Variants in MAGI1 observed in about 807,000 individuals in gnomAD.
MAGI1 encodes the protein membrane associated guanylate kinase, WW and PDZ domain containing 1, also known as membrane-associated guanylate kinase, WW and PDZ domain-containing protein 1.
In MAGI1, 58 loss-of-function variants were observed where a neutral mutation model predicts 139.9. That is an observed-to-expected ratio of 0.41 (90% CI 0.34 to 0.52). The LOEUF (loss-of-function observed/expected upper bound fraction) is 0.52, where lower values mean the gene tolerates loss of function less well. MAGI1 is among the 20% of genes least tolerant of loss of function. The pLI, the probability that MAGI1 is intolerant of heterozygous loss-of-function variation, is 0.12. For missense variants in MAGI1, 1,874 were observed against 1,901.6 expected (o/e 0.99, Z 0.27); for synonymous variants, 812 against 737.9 (o/e 1.10, Z -1.63).
intron 1 of MAGI1, among the ~76,000 whole-genome samples, chr3:65,709,194 T>C (rs764271707): frequency 6.6e-6 from 1 of 152,162 alleles, no homozygotes; most frequent in Non-Finnish European, 1.5e-5. Context: ...TCTCGCTTGG[T>C]TTTTTCCAAG....
At chr3:65,922,649 A>G (rs2062265269) in intron 1 of MAGI1, among the ~76,000 whole-genome samples, 2 of 152,232 alleles carry the variant, frequency 1.3e-5, no homozygotes, top group South Asian at 2.1e-4. Context: ...TGATGTTTTA[A>G]GTCACCCAGT....
chr3:65,856,812 G>A (rs529873398), intron 1 of MAGI1, among the ~76,000 whole-genome samples: 1 of 152,280 alleles, frequency 6.6e-6, no homozygotes, highest in East Asian at 1.9e-4. Flanking sequence ...CCAGCCAGCC[G>A]CACAAACTAA....
intron 1 of MAGI1, among the ~76,000 whole-genome samples, chr3:66,035,495 A>T (rs1001288585): frequency 1.4e-4 from 22 of 152,220 alleles, no homozygotes; most frequent in African/African-American, 4.8e-4. Flanking sequence ...CTCAACATGG[A>T]AGAGGGAGCA....
At chr3:65,777,247 C>T (rs979134174) in intron 1 of MAGI1, among the ~76,000 whole-genome samples, 1 of 152,108 alleles carries the variant, frequency 6.6e-6, no homozygotes, top group Non-Finnish European at 1.5e-5. Context: ...GTTCCTTAGC[C>T]TCTCTGGGCT....
chr3:66,032,377 A>ATTT lies in MAGI1; in HGVS notation c.313+5616_313+5618dup, dbSNP rs781376605. On this transcript the variant is annotated intron_variant, in intron 1 of 22. Transcript: ENST00000402939. ...AGGCGCCCACCACCACGCCCGGCTA[A>ATTT]TTTTTTTGTTTTTTTTTTTTTTTTA... Among the ~76,000 whole-genome samples the ATTT allele has an allele frequency of 9.0e-3, 1,160 of 128,648 alleles. 39 individuals carry two copies. Among genetic ancestry groups the ATTT allele is most frequent in the Middle Eastern group, 0.013 (3 of 238 alleles). 84.4% of individuals were successfully genotyped at this position (128,648 alleles called of 152,430 possible).
intron 2 of MAGI1, among the ~76,000 whole-genome samples, chr3:65,543,094 G>T (rs1053286476): frequency 2.0e-5 from 3 of 151,634 alleles, no homozygotes; most frequent in African/African-American, 4.8e-5. Context: ...AGTAGGCAAA[G>T]GATATGAACA....
At chr3:65,664,863 C>T (rs1434440991) in intron 1 of MAGI1, among the ~76,000 whole-genome samples, 1 of 152,064 alleles carries the variant, frequency 6.6e-6, no homozygotes, top group Non-Finnish European at 1.5e-5. Context: ...ATGGTAATTT[C>T]TCTGTTTAAA....
chr3:65,919,784 G>T (rs1230851319), intron 1 of MAGI1, among the ~76,000 whole-genome samples: 1 of 151,690 alleles, frequency 6.6e-6, no homozygotes, highest in African/African-American at 2.4e-5. Flanking sequence ...TACACGGCTG[G>T]AATAATTTCT....
chr3:65,766,819 G>C (rs1210302139), intron 1 of MAGI1, among the ~76,000 whole-genome samples: 2 of 151,798 alleles, frequency 1.3e-5, no homozygotes, highest in Non-Finnish European at 2.9e-5. Flanking sequence ...AACCTGGGAG[G>C]CAGAGGTTGC....
intron 1 of MAGI1, among the ~76,000 whole-genome samples, chr3:65,999,972 C>CTTTTTTTT (rs3048011): frequency 5.3e-5 from 6 of 113,276 alleles, no homozygotes; most frequent in African/African-American, 1.0e-4. Context: ...TCCCCCCACG[C>CTTTTTTTT]TTTTTTTTTT....
intron 2 of MAGI1, among the ~76,000 whole-genome samples, chr3:65,548,759 G>A (rs1022982680): frequency 6.6e-6 from 1 of 151,962 alleles, no homozygotes; most frequent in Non-Finnish European, 1.5e-5. Flanking sequence ...ATGACCTCAA[G>A]TAATCCACCC....
chr3:65,480,353 TA>T (rs1410075564), intron 3 of MAGI1, among the ~76,000 whole-genome samples: 2 of 151,808 alleles, frequency 1.3e-5, no homozygotes, highest in African/African-American at 2.4e-5. Flanking sequence ...GGCAACATGG[TA>T]AAATCCTGTC....
Position 65,361,312 on chromosome 3 carries a change from T to C in MAGI1, c.3521A>G (p.Asn1174Ser), listed in dbSNP as rs1940830449. Residue 1174 changes from asparagine to serine, a missense_variant, in exon 22 of 23, where the codon AAT becomes AGT. Physicochemically the swap from Asn to Ser is conservative, Grantham distance 46. Around this residue, in one of 5 missense-constraint regions of MAGI1, gnomAD observed 653 missense variants for 644.5 expected, o/e 1.01. Coordinates refer to ENST00000402939, the MANE Select transcript of MAGI1 (RefSeq NM_001033057.2). ...CTTCATGTTTTTGGTGGTCTCACCA[T>C]TGATCTCTAAAATTTCATCACCAAT... ...MRIGDEILEI[N>S]GETTKNMKHS... is the part of the protein sequence containing the mutation. 12 of 1,613,864 alleles carry C rather than the reference T, an allele frequency of 7.4e-6. No individual in the cohort carries two copies. The highest frequency in any genetic ancestry group is 2.2e-5 in the East Asian group (1 of 44,892).
intron 5 of MAGI1, chr3:65,469,717 A>G (rs1004061506): frequency 1.3e-5 from 2 of 151,934 alleles, no homozygotes; most frequent in African/African-American, 4.8e-5. Flanking sequence ...AAGAAAACTG[A>G]TAAATGAGAC....
chr3:65,646,576 G>A (rs1380138442), intron 1 of MAGI1, among the ~76,000 whole-genome samples: 1 of 151,906 alleles, frequency 6.6e-6, no homozygotes, highest in East Asian at 1.9e-4. Context: ...CAGAACAATT[G>A]ACCAAGCAAC....
chr3:66,006,842 T>C (rs1027119537), intron 1 of MAGI1, among the ~76,000 whole-genome samples: 1 of 144,976 alleles, frequency 6.9e-6, no homozygotes, highest in Non-Finnish European at 1.5e-5. Flanking sequence ...TTTTGTTTTG[T>C]TTATTAGAGA....
chr3:65,711,944 A>G (rs1438269869), intron 1 of MAGI1, among the ~76,000 whole-genome samples: 1 of 152,014 alleles, frequency 6.6e-6, no homozygotes, highest in Non-Finnish European at 1.5e-5. Flanking sequence ...CTCCTTCAGA[A>G]CCCTTACCAT....
At chr3:65,817,861 A>G (rs192023146) in intron 1 of MAGI1, among the ~76,000 whole-genome samples, 4 of 152,360 alleles carry the variant, frequency 2.6e-5, no homozygotes, top group South Asian at 2.1e-4. Context: ...AGAACAAGAC[A>G]CAATGGTCTA....
At position 65,885,956 on chromosome 3, in the gene MAGI1, T is replaced by C. The variant is rs999517328; in HGVS notation, c.313+152040A>G. On this transcript the variant is annotated intron_variant, in intron 1 of 22. Transcript: ENST00000402939. ...CATATACACTCATACTACATAATACTATTTAAAAATCAAATATTGAATGGT... is the reference window on the plus strand; with the variant it reads ...CATATACACTCATACTACATAATACCATTTAAAAATCAAATATTGAATGGT... 2.0e-5 allele frequency among the ~76,000 whole-genome samples: 3 copies of C among 152,234 alleles called. No homozygotes were observed. In the East Asian group the frequency reaches 5.8e-4, roughly 29 times the overall value.
Sources: gnomAD v4.1 joint callset for allele counts (sites outside exome capture counted in the v4.1 genomes callset) on GRCh38, gnomAD v4.1.1 for gene constraint, gnomAD v4.1.1 regional missense constraint, MANE v1.5 for transcripts, NCBI Gene and HGNC (gene_info 2026-07-23, HGNC 2026-07-21) for gene names.